Variants in DGLUCY observed in about 807,000 individuals in gnomAD.
DGLUCY encodes D-glutamate cyclase, mitochondrial.
A neutral mutation model predicts 58.5 loss-of-function variants in DGLUCY; 58 were observed. That is an observed-to-expected ratio of 0.99 (90% CI 0.80 to 1.23). DGLUCY has a LOEUF of 1.23. DGLUCY is among the 50% of genes most tolerant of loss of function. The probability of loss-of-function intolerance (pLI) is 0.00; values close to 1 mark genes in which losing one functional copy is unlikely to be tolerated. For synonymous variants in DGLUCY, 325 were observed against 314.1 expected, an observed-to-expected ratio of 1.03 and a Z score of -0.37; for missense variants, 779 against 784.7, an observed-to-expected ratio of 0.99 and a Z score of 0.09.
At chr14:91,111,238 G>A (rs2044691591), upstream of DGLUCY, among the ~76,000 whole-genome samples, 1 of 109,526 alleles carries the variant, frequency 9.1e-6, no homozygotes, top group African/African-American at 3.7e-5. Context: ...GTGTGTGTGT[G>A]TGTGTGTGTG....
chr14:91,175,878 A>G (rs550265359), intron 6 of DGLUCY, 56 bp from the exon 7 acceptor site: 2 of 1,595,424 alleles, frequency 1.3e-6, no homozygotes, highest in East Asian at 4.5e-5. Flanking sequence ...CTACTCAACC[A>G]GTTCTAATTG....
rs117431932 is a variant in DGLUCY at position 91,088,464 on chromosome 14, A to C, written c.-82+27760A>C. ...TAGGACAGTCCTAGAGCTTCTACCT[A>C]TTAGAGATAAAAAAATCAGAGAAGC... On this transcript the variant is annotated intron_variant, in intron 1 of 4. Transcript: ENST00000521334. 3.6e-3 allele frequency among the ~76,000 whole-genome samples: 552 copies of C among 152,216 alleles called. 1 individual carries two copies. The highest frequency in any genetic ancestry group is 5.7e-3 in the Non-Finnish European group (389 of 68,010).
intron 1 of DGLUCY, among the ~76,000 whole-genome samples, chr14:91,122,236 C>G (rs2045413595): frequency 6.6e-6 from 1 of 151,854 alleles, no homozygotes; most frequent in African/African-American, 2.4e-5. Flanking sequence ...ACAACCACAG[C>G]TCACTTCAGC....
intron 1 of DGLUCY, among the ~76,000 whole-genome samples, chr14:91,118,678 A>G (rs1000045287): frequency 6.6e-6 from 1 of 152,182 alleles, no homozygotes; most frequent in African/African-American, 2.4e-5. Context: ...GGTGGGGGAT[A>G]ATGAGGCATG....
At chr14:91,170,456 C>A (rs1042428900) in intron 5 of DGLUCY, among the ~76,000 whole-genome samples, 1 of 152,212 alleles carries the variant, frequency 6.6e-6, no homozygotes, top group African/African-American at 2.4e-5. Context: ...GTAAACCAAA[C>A]CTGCTTGGGA....
intron 10 of DGLUCY, among the ~76,000 whole-genome samples, chr14:91,198,641 C>T (rs543687252): frequency 6.6e-6 from 1 of 152,312 alleles, no homozygotes; most frequent in East Asian, 1.9e-4. Context: ...GCCACTGCGC[C>T]CAGCCTGCAT....
At position 91,215,511 on chromosome 14, in the gene DGLUCY, ACCTGGAGATCAGG is replaced by A. The variant is rs1403117812; in HGVS notation, c.1678_1690del (p.Asp560LeufsTer46). On this transcript the variant is annotated frameshift_variant, in exon 13 of 14. Transcript: ENST00000256324. LOFTEE classifies it low-confidence loss of function (END_TRUNC). The stretch of plus-strand genomic sequence containing the variant: ...GGAAAGCAGTCGGACCCTCCAGGGC[ACCTGGAGATCAGG>A]CCTGGACTCAGGCCCTCCCGTCGGT... 1 of 1,614,010 alleles carries A rather than the reference ACCTGGAGATCAGG, an allele frequency of 6.2e-7. No individual in the cohort carries two copies. The highest frequency in any genetic ancestry group is 2.2e-5 in the East Asian group (1 of 44,890).
intron 1 of DGLUCY, among the ~76,000 whole-genome samples, chr14:91,062,584 TA>T (rs2043741638): frequency 4.9e-5 from 1 of 20,352 alleles, no homozygotes; most frequent in African/African-American, 1.7e-4. Context: ...TATATATATA[TA>T]TATATATATA....
chr14:91,062,165 AT>A (rs1406134162), intron 1 of DGLUCY, among the ~76,000 whole-genome samples: 1 of 152,178 alleles, frequency 6.6e-6, no homozygotes, highest in East Asian at 1.9e-4. Flanking sequence ...CCAATAGAAT[AT>A]TTTTTATGGA....
At chr14:91,129,490 C>CT (rs981439629) in intron 1 of DGLUCY, among the ~76,000 whole-genome samples, 5 of 151,918 alleles carry the variant, frequency 3.3e-5, no homozygotes, top group African/African-American at 1.2e-4. Context: ...AATCCCAGCA[C>CT]TTTCAGAGGC....
chr14:91,205,756 C>CTTA (rs1555406029), intron 12 of DGLUCY, among the ~76,000 whole-genome samples: 1 of 68,884 alleles, frequency 1.5e-5, no homozygotes, highest in Non-Finnish European at 2.6e-5. Flanking sequence ...AGGGCATTCT[C>CTTA]TTCTTCTTCT....
At chr14:91,159,786 G>A (rs188246178) in intron 2 of DGLUCY, among the ~76,000 whole-genome samples, 14 of 152,252 alleles carry the variant, frequency 9.2e-5, no homozygotes, top group African/African-American at 2.2e-4. Context: ...GTATTCATTC[G>A]TCTGTTCATT....
intron 9 of DGLUCY, among the ~76,000 whole-genome samples, chr14:91,193,522 G>A (rs543494549): frequency 2.0e-5 from 3 of 152,256 alleles, no homozygotes; most frequent in Admixed American, 6.5e-5. Context: ...TTTCAGCTCC[G>A]TTTTTAATAA....
intron 1 of DGLUCY, among the ~76,000 whole-genome samples, chr14:91,093,613 T>C (rs912035782): frequency 1.3e-5 from 2 of 152,032 alleles, no homozygotes; most frequent in African/African-American, 4.8e-5. Context: ...TGAGACCAGC[T>C]GGCCAACATG....
Position 91,178,194 on chromosome 14 carries a change from T to G in DGLUCY, c.730+2138T>G, listed in dbSNP as rs1434225632. Among the ~76,000 whole-genome samples the G allele has an allele frequency of 2.0e-5, 3 of 151,864 alleles. No homozygotes were observed. The East Asian group carries it at 5.8e-4, about 29-fold the overall frequency. Reference sequence around the variant, plus strand: ...CCCTTTTTTTTTTTTTGAGACAAGGTCTCGCTCTGTCACCCAGGCTGAGTG... The same window carrying G: ...CCCTTTTTTTTTTTTTGAGACAAGGGCTCGCTCTGTCACCCAGGCTGAGTG... On this transcript the variant is annotated intron_variant, in intron 7 of 13. Transcript: ENST00000256324.
intron 3 of DGLUCY, among the ~76,000 whole-genome samples, chr14:91,164,199 C>T (rs559046210): frequency 3.9e-5 from 6 of 152,292 alleles, no homozygotes; most frequent in African/African-American, 1.2e-4. Flanking sequence ...ATCTGCCAAC[C>T]TCGGCCTCCC....
chr14:91,094,850 C>G (rs998298306), intron 1 of DGLUCY, among the ~76,000 whole-genome samples: 9 of 152,012 alleles, frequency 5.9e-5, no homozygotes, highest in African/African-American at 2.2e-4. Flanking sequence ...CTTCAGGCCT[C>G]GAGTGAGAAC....
At chr14:91,186,028 G>A (rs917232722) in intron 8 of DGLUCY, among the ~76,000 whole-genome samples, 4 of 152,158 alleles carry the variant, frequency 2.6e-5, no homozygotes, top group African/African-American at 9.7e-5. Flanking sequence ...AGTCATTTTT[G>A]AGAGGATGTT....
chr14:91,158,017 G>T (rs766366363), intron 2 of DGLUCY, among the ~76,000 whole-genome samples: 1 of 152,158 alleles, frequency 6.6e-6, no homozygotes, highest in Non-Finnish European at 1.5e-5. Flanking sequence ...GTGGGTTTGG[G>T]CAAATGAGGA....
Sources: gnomAD v4.1 joint callset for allele counts (sites outside exome capture counted in the v4.1 genomes callset) on GRCh38, gnomAD v4.1.1 for gene constraint, MANE v1.5 for transcripts, NCBI Gene and HGNC (gene_info 2026-07-23, HGNC 2026-07-21) for gene names.